The following TPD52L2 variants were observed in gnomAD, a reference collection of about 807,000 sequenced individuals.
TPD52L2 encodes tumor protein D54.
Under a neutral mutation model 24.7 loss-of-function variants are expected in TPD52L2, and 19 were observed. That is an observed-to-expected ratio of 0.77 (90% confidence interval 0.54 to 1.13). TPD52L2 has a LOEUF of 1.13. Ranked by LOEUF, TPD52L2 falls within the 50% of genes most tolerant of loss-of-function variation. The pLI, the probability that TPD52L2 is intolerant of heterozygous loss-of-function variation, is 0.00. For synonymous variants in TPD52L2, 104 were observed against 100.2 expected (o/e 1.04, Z -0.23); for missense variants, 236 against 250.4 (o/e 0.94, Z 0.39).
chr20:63,886,963 T>C (rs2053151787), intron 5 of TPD52L2: 1 of 162,128 alleles, frequency 6.2e-6, no homozygotes, highest in Non-Finnish European at 1.4e-5. Flanking sequence ...CCTTTTCACG[T>C]GGGAGGGCTG....
chr20:63,869,732 G>T lies in TPD52L2; in HGVS notation c.165+291G>T, dbSNP rs1183447903. Reference sequence around the variant, plus strand: ...TTCACACATGAACCGCCTCTGAGCAGCCATCTGCTGGGAGTGTCTCTGTTG... The same window carrying T: ...TTCACACATGAACCGCCTCTGAGCATCCATCTGCTGGGAGTGTCTCTGTTG... On this transcript the variant is annotated intron_variant, in intron 2 of 6. Transcript: ENST00000346249. Among the ~76,000 whole-genome samples, 11 of 152,190 alleles carry T rather than the reference G, an allele frequency of 7.2e-5. No individual in the cohort carries two copies. In the East Asian group the frequency reaches 2.1e-3, roughly 29 times the overall value.
At chr20:63,882,299 T>C (rs1286250275) in intron 4 of TPD52L2, among the ~76,000 whole-genome samples, 3 of 152,276 alleles carry the variant, frequency 2.0e-5, no homozygotes, top group East Asian at 3.8e-4. Flanking sequence ...TGGCACTGCC[T>C]GCCAGGCGTG....
chr20:63,887,496 TG>T, intron 5 of TPD52L2: 1 of 1,549,892 alleles, frequency 6.5e-7, no homozygotes, highest in South Asian at 1.1e-5. Flanking sequence ...CCTGCCAAGT[TG>T]GGGTTGTGTG....
intron 4 of TPD52L2, among the ~76,000 whole-genome samples, chr20:63,879,232 G>C (rs185662701): frequency 5.3e-5 from 8 of 152,318 alleles, no homozygotes; most frequent in Admixed American, 3.9e-4. Flanking sequence ...TGTTTCTAGA[G>C]GAGGTTCCCT....
intron 3 of TPD52L2, among the ~76,000 whole-genome samples, chr20:63,875,157 A>G (rs1434596786): frequency 6.8e-6 from 1 of 147,190 alleles, no homozygotes; most frequent in South Asian, 2.1e-4. Context: ...AAAAAAATAT[A>G]TATATATATA....
chr20:63,888,012 C>T (rs1304462296), intron 5 of TPD52L2: 1 of 231,746 alleles, frequency 4.3e-6, no homozygotes, highest in Non-Finnish European at 8.6e-6. Flanking sequence ...TATTCTGTGC[C>T]TGTCAGGCAC....
intron 2 of TPD52L2, among the ~76,000 whole-genome samples, chr20:63,873,008 C>T (rs183491101): frequency 1.8e-4 from 27 of 151,512 alleles, no homozygotes; most frequent in African/African-American, 5.1e-4. Context: ...CCACTGCGCC[C>T]GGCCGGTCTT....
intron 4 of TPD52L2, among the ~76,000 whole-genome samples, chr20:63,878,860 C>T (rs1252846265): frequency 6.6e-6 from 1 of 152,332 alleles, no homozygotes; most frequent in Non-Finnish European, 1.5e-5. Flanking sequence ...AGAGCTGAAG[C>T]TAGTTATTGG....
chr20:63,875,522 C>T (rs1353323364), intron 3 of TPD52L2, among the ~76,000 whole-genome samples: 1 of 152,234 alleles, frequency 6.6e-6, no homozygotes, highest in Non-Finnish European at 1.5e-5. Flanking sequence ...GGGCTGTGCC[C>T]TTCCAGTCCC....
At chr20:63,885,827 T>C (rs2053071651) in intron 5 of TPD52L2, among the ~76,000 whole-genome samples, 1 of 152,172 alleles carries the variant, frequency 6.6e-6, no homozygotes, top group South Asian at 2.1e-4. Context: ...TTGAGGAGAC[T>C]GGAGACAGTG....
At chr20:63,870,843 G>A (rs971593997) in intron 2 of TPD52L2, among the ~76,000 whole-genome samples, 2 of 149,692 alleles carry the variant, frequency 1.3e-5, no homozygotes, top group Non-Finnish European at 3.0e-5. Context: ...TCAGCCTCCC[G>A]AATATCTGGG....
intron 4 of TPD52L2, among the ~76,000 whole-genome samples, chr20:63,878,973 G>T (rs1215894740): frequency 2.6e-5 from 4 of 152,300 alleles, no homozygotes; most frequent in Middle Eastern, 3.4e-3. Context: ...TGAGGAATGT[G>T]TGTGCCTGTG....
At chr20:63,887,363 T>A in intron 5 of TPD52L2, 1 of 708,124 alleles carries the variant, frequency 1.4e-6, no homozygotes, top group Non-Finnish European at 2.5e-6. Flanking sequence ...CTGGGCAACT[T>A]GGGGTGCCCC....
At chr20:63,881,307 C>G (rs532712792) in intron 4 of TPD52L2, among the ~76,000 whole-genome samples, 1 of 151,264 alleles carries the variant, frequency 6.6e-6, no homozygotes, top group South Asian at 2.1e-4. Context: ...TTGTAGTGAG[C>G]TGAAATTGCA....
intron 3 of TPD52L2, among the ~76,000 whole-genome samples, chr20:63,875,009 G>A (rs918825080): frequency 3.3e-5 from 5 of 152,006 alleles, no homozygotes; most frequent in South Asian, 2.1e-4. Context: ...GGGCGTGGTG[G>A]TGCGCACCTG....
At chr20:63,866,999 G>A in intron 1 of TPD52L2, among the ~76,000 whole-genome samples, 1 of 147,600 alleles carries the variant, frequency 6.8e-6, no homozygotes, top group African/African-American at 2.5e-5. Context: ...TGTTGCCCAC[G>A]CTGCAGTACA....
intron 4 of TPD52L2, among the ~76,000 whole-genome samples, chr20:63,876,181 T>C (rs2052669763): frequency 6.6e-6 from 1 of 152,194 alleles, no homozygotes; most frequent in South Asian, 2.1e-4. Flanking sequence ...TAGAGCTCCT[T>C]GGCTTCCGGC....
intron 4 of TPD52L2, chr20:63,876,968 A>G (rs1367735806): frequency 2.2e-6 from 1 of 452,954 alleles, no homozygotes; most frequent in Admixed American, 2.4e-5. Flanking sequence ...CCAGCTGTAC[A>G]TCTGGGTGCT....
rs2053304165 is a variant in TPD52L2, at chr20:63,891,094, T to G, written c.*1149T>G. Reference sequence around the variant, plus strand: ...GTCTTTTTCTCAGGAGCTACAAAGATCTCTTCCTGTTACTAAATAGTCGCA... The same window carrying G: ...GTCTTTTTCTCAGGAGCTACAAAGAGCTCTTCCTGTTACTAAATAGTCGCA... On this transcript the variant is annotated 3_prime_UTR_variant, in exon 7 of 7. Coordinates refer to ENST00000346249, the MANE Select transcript of TPD52L2 (RefSeq NM_003288.4). The surrounding 1 kb of genome is among the most constrained non-coding windows in gnomAD (Gnocchi z 4.7). The G allele has an allele frequency of 6.5e-6, 1 of 152,706 alleles. No individual in the cohort carries two copies. Among genetic ancestry groups the G allele is most frequent in the South Asian group, 2.1e-4 (1 of 4,836 alleles). 9.5% of individuals were successfully genotyped at this position (152,706 alleles called of 1,614,324 possible).
Sources: allele counts gnomAD v4.1 joint callset (sites outside exome capture counted in the v4.1 genomes callset), GRCh38; gene constraint gnomAD v4.1.1; non-coding constraint Gnocchi (gnomAD v3.1); transcripts MANE v1.5; gene names NCBI Gene and HGNC (gene_info 2026-07-23, HGNC 2026-07-21).